RNF4: variants seen among roughly 807,000 people sequenced by gnomAD.
The protein encoded by RNF4 is E3 ubiquitin-protein ligase RNF4.
RNF4 carries 7 observed loss-of-function variants against 24.3 expected under a neutral mutation model. That is an observed-to-expected ratio of 0.29 (90% CI 0.16 to 0.54). The LOEUF is 0.54. RNF4 is among the 20% of genes least tolerant of loss of function. The probability of loss-of-function intolerance (pLI) is 0.95; values close to 1 mark genes in which losing one functional copy is unlikely to be tolerated. For missense variants in RNF4, 209 were observed against 248.5 expected (o/e 0.84, Z 1.07); for synonymous variants, 83 against 84.3 (o/e 0.98, Z 0.09).
chr4:2,483,600 T>C (rs1048226849), intron 1 of RNF4, among the ~76,000 whole-genome samples: 10 of 152,230 alleles, frequency 6.6e-5, no homozygotes, highest in Admixed American at 2.0e-4. Flanking sequence ...GGTCAGGAGT[T>C]GGAGACCAGC....
chr4:2,499,210 T>G (rs570052715), intron 3 of RNF4: 1 of 399,098 alleles, frequency 2.5e-6, no homozygotes, highest in African/African-American at 2.2e-5. Context: ...AAAAAAAAGT[T>G]AAATGCATTA....
intron 1 of RNF4, among the ~76,000 whole-genome samples, chr4:2,485,749 T>G (rs541340278): frequency 2.0e-5 from 3 of 152,294 alleles, no homozygotes; most frequent in African/African-American, 7.2e-5. Context: ...ATTTATTCCT[T>G]CAATAAATAT....
At chr4:2,489,130 C>A (rs1735503589) in intron 1 of RNF4, among the ~76,000 whole-genome samples, 1 of 152,154 alleles carries the variant, frequency 6.6e-6, no homozygotes, top group Admixed American at 6.6e-5. Flanking sequence ...GGATTTCAAT[C>A]TCAGTTGCCT....
At position 2,513,068 on chromosome 4, in the gene RNF4, G is replaced by A; in HGVS notation, c.375-15G>A. ...GCGTTGACTGAGAAACTAACGTGAA[G>A]CACTGTGCTCTTAGGCCCTCAGGTA... On this transcript the variant is annotated splice_polypyrimidine_tract_variant and intron_variant, in intron 6 of 7. Coordinates refer to ENST00000314289, the MANE Select transcript of RNF4 (RefSeq NM_002938.5). 3 of 1,613,384 alleles carry A rather than the reference G, an allele frequency of 1.9e-6. No individual in the cohort carries two copies. The highest frequency in any genetic ancestry group is 1.1e-5 in the South Asian group (1 of 91,080).
chr4:2,470,584 T>G (rs1298868101), intron 1 of RNF4, among the ~76,000 whole-genome samples: 2 of 152,264 alleles, frequency 1.3e-5, no homozygotes, highest in Non-Finnish European at 2.9e-5. Flanking sequence ...CTAATCTTCA[T>G]GAAATCTTAA....
intron 1 of RNF4, among the ~76,000 whole-genome samples, chr4:2,478,215 G>C (rs980321508): frequency 1.3e-5 from 2 of 152,204 alleles, no homozygotes; most frequent in East Asian, 1.9e-4. Context: ...GAGATGACTT[G>C]GGTACAGTTA....
intron 4 of RNF4, among the ~76,000 whole-genome samples, chr4:2,502,681 A>AT (rs1292329337): frequency 6.6e-6 from 1 of 151,146 alleles, no homozygotes; most frequent in East Asian, 1.9e-4. Flanking sequence ...CAAAAAAAAA[A>AT]AAAAATACAA....
intron 1 of RNF4, among the ~76,000 whole-genome samples, chr4:2,474,218 ACAC>A (rs1254258649): frequency 4.9e-5 from 2 of 41,206 alleles, no homozygotes; most frequent in African/African-American, 1.1e-4. Context: ...TACTAAAAAC[ACAC>A]AAAAAAATTA....
chr4:2,481,442 C>T (rs1260906124), intron 1 of RNF4, among the ~76,000 whole-genome samples: 1 of 152,028 alleles, frequency 6.6e-6, no homozygotes, highest in Non-Finnish European at 1.5e-5. Context: ...AAAGTGAGGA[C>T]GAGTTGGGAG....
At chr4:2,496,183 G>A (rs1410259130) in intron 2 of RNF4, among the ~76,000 whole-genome samples, 1 of 152,176 alleles carries the variant, frequency 6.6e-6, no homozygotes, top group East Asian at 1.9e-4. Context: ...ATTGTCTGGT[G>A]TGAATCACAG....
chr4:2,481,354 G>C (rs1735237817), intron 1 of RNF4: 1 of 152,166 alleles, frequency 6.6e-6, no homozygotes, highest in South Asian at 2.1e-4. Context: ...CCTCACAAAT[G>C]GTGGGTTTTT....
intron 1 of RNF4, among the ~76,000 whole-genome samples, chr4:2,478,155 A>T (rs1560400048): frequency 6.6e-6 from 1 of 152,164 alleles, no homozygotes; most frequent in Non-Finnish European, 1.5e-5. Context: ...CTTGAGAAAG[A>T]TGATTTAGGG....
intron 1 of RNF4, among the ~76,000 whole-genome samples, chr4:2,486,740 GGA>G (rs1192294686): frequency 3.3e-5 from 5 of 152,160 alleles, no homozygotes; most frequent in African/African-American, 1.2e-4. Flanking sequence ...TGAAGTGGGA[GGA>G]GAGAGGCTTA....
chr4:2,515,495 A>G lies in RNF4; in HGVS notation c.*1676A>G, dbSNP rs1203257741. 2.0e-5 allele frequency: 3 copies of G among 152,318 alleles called. No individual in the cohort carries two copies. Among genetic ancestry groups the G allele is most frequent in the Non-Finnish European group, 2.9e-5 (2 of 68,032 alleles). 9.4% of individuals were successfully genotyped at this position (152,318 alleles called of 1,614,324 possible). On this transcript the variant is annotated 3_prime_UTR_variant, in exon 8 of 8. Coordinates refer to ENST00000314289, the MANE Select transcript of RNF4 (RefSeq NM_002938.5). ...TTAACTTTCTTCTGGGCATCACGGC[A>G]ATGTCACGATGCCCAGACTTGGAGC...
chr4:2,492,544 T>G (rs1284922371), intron 2 of RNF4, among the ~76,000 whole-genome samples: 1 of 152,222 alleles, frequency 6.6e-6, no homozygotes, highest in African/African-American at 2.4e-5. Context: ...AGACCAGATG[T>G]GAAATAGCCT....
intron 4 of RNF4, chr4:2,505,723 C>CTTTTTTTTTT (rs67508332): frequency 3.9e-5 from 2 of 50,676 alleles, no homozygotes; most frequent in African/African-American, 1.7e-4. Flanking sequence ...CATGGTCTGC[C>CTTTTTTTTTT]TTTTTTTTTT....
intron 1 of RNF4, among the ~76,000 whole-genome samples, chr4:2,483,695 T>C (rs1325774123): frequency 6.6e-6 from 1 of 151,984 alleles, no homozygotes; most frequent in East Asian, 1.9e-4. Context: ...TCCCAGCTAG[T>C]TGGGAGGCTG....
At chr4:2,486,880 G>A (rs1219530723) in intron 1 of RNF4, among the ~76,000 whole-genome samples, 2 of 152,194 alleles carry the variant, frequency 1.3e-5, no homozygotes, top group East Asian at 3.9e-4. Flanking sequence ...GGGAGAACAA[G>A]CCCCTATATG....
chr4:2,470,881 T>C (rs1734883176), intron 1 of RNF4: 1 of 152,034 alleles, frequency 6.6e-6, no homozygotes, highest in Non-Finnish European at 1.5e-5. Context: ...AGCAAGTCTG[T>C]AAATGCCAGC....
Sources: gnomAD v4.1 joint callset for allele counts (sites outside exome capture counted in the v4.1 genomes callset) on GRCh38, gnomAD v4.1.1 for gene constraint, MANE v1.5 for transcripts, NCBI Gene and HGNC (gene_info 2026-07-23, HGNC 2026-07-21) for gene names.